PTPRT: variants seen among roughly 807,000 people sequenced by gnomAD.
The protein encoded by PTPRT is receptor-type tyrosine-protein phosphatase T.
Under a neutral mutation model 176.8 loss-of-function variants are expected in PTPRT, and 56 were observed. The observed-to-expected ratio is 0.32, with a 90% CI of 0.26 to 0.40. The LOEUF (loss-of-function observed/expected upper bound fraction) is 0.40, where lower values mean the gene tolerates loss of function less well. Among genes scored for constraint, PTPRT ranks in the 10% least tolerant of loss-of-function variants. The pLI is 1.00. For synonymous variants in PTPRT, 783 were observed against 739.0 expected (o/e 1.06, Z -0.96); for missense variants, 1,540 against 1,908.2 (o/e 0.81, Z 3.60).
intron 7 of PTPRT, among the ~76,000 whole-genome samples, chr20:42,634,267 CTG>C (rs2074545596): frequency 6.9e-6 from 1 of 145,592 alleles, no homozygotes; most frequent in Non-Finnish European, 1.5e-5. Context: ...GGTCCACCGA[CTG>C]TGAACGTTAA....
chr20:42,885,727 G>T (rs1449082255), intron 2 of PTPRT, 80 bp downstream of exon 2: 3 of 1,523,740 alleles, frequency 2.0e-6, no homozygotes, highest in Non-Finnish European at 2.7e-6. Flanking sequence ...AGCTCAATGT[G>T]TAAGTAAGTT....
chr20:42,935,874 C>T (rs992843775), intron 1 of PTPRT, among the ~76,000 whole-genome samples: 1 of 152,106 alleles, frequency 6.6e-6, no homozygotes, highest in Non-Finnish European at 1.5e-5. Context: ...CTCAGCCTCC[C>T]GAGTAGCTGG....
intron 1 of PTPRT, among the ~76,000 whole-genome samples, chr20:43,067,967 G>T (rs370708837): frequency 3.1e-4 from 7 of 22,938 alleles, no homozygotes; most frequent in African/African-American, 1.5e-3. Flanking sequence ...GAGGGGAAGG[G>T]AGAGGAAGGG....
At chr20:42,878,933 G>A (rs970712618) in intron 2 of PTPRT, among the ~76,000 whole-genome samples, 4 of 152,168 alleles carry the variant, frequency 2.6e-5, no homozygotes, top group Non-Finnish European at 5.9e-5. Flanking sequence ...AGAGGCTGAG[G>A]CAGGAGAATG....
At chr20:42,419,645 G>A (rs1167739086) in intron 9 of PTPRT, among the ~76,000 whole-genome samples, 1 of 151,920 alleles carries the variant, frequency 6.6e-6, no homozygotes, top group Non-Finnish European at 1.5e-5. Flanking sequence ...CCCTCTCCTA[G>A]GATTTCCTCT....
intron 27 of PTPRT, among the ~76,000 whole-genome samples, chr20:42,093,341 C>T (rs769357791): frequency 1.2e-4 from 18 of 152,320 alleles, no homozygotes; most frequent in Middle Eastern, 3.4e-3. Flanking sequence ...CCCCGCAAAT[C>T]TGACCACAGA....
chr20:42,129,229 A>C (rs1012405781), intron 18 of PTPRT, among the ~76,000 whole-genome samples: 1 of 152,262 alleles, frequency 6.6e-6, no homozygotes, highest in Non-Finnish European at 1.5e-5. Flanking sequence ...GTTTAAAAAC[A>C]GCAAGTTTAC....
intron 3 of PTPRT, among the ~76,000 whole-genome samples, chr20:42,790,049 T>G (rs1487245414): frequency 6.6e-6 from 1 of 152,188 alleles, no homozygotes; most frequent in East Asian, 1.9e-4. Flanking sequence ...CTTTCAACAG[T>G]GCAAGTGGAG....
At chr20:42,247,086 C>T (rs188180984) in intron 14 of PTPRT, among the ~76,000 whole-genome samples, 2 of 152,270 alleles carry the variant, frequency 1.3e-5, no homozygotes, top group South Asian at 4.1e-4. Flanking sequence ...CTATTCACCC[C>T]CAATATTAAC....
Position 43,180,187 on chromosome 20 carries a change from G to A in PTPRT, c.88+9459C>T, listed in dbSNP as rs566271852. 2.2e-4 allele frequency among the ~76,000 whole-genome samples: 33 copies of A among 152,174 alleles called. No individual in the cohort carries two copies. In the South Asian group the frequency reaches 6.6e-3, roughly 31 times the overall value. On this transcript the variant is annotated intron_variant, in intron 1 of 30. Coordinates refer to ENST00000373187, the MANE Select transcript of PTPRT (RefSeq NM_007050.6). ...GGGCATCAGTGCTCCTGGTTCTTGGGTGTTCAGACTCAAGTCAGAGCCTAC... is the reference window on the plus strand; with the variant it reads ...GGGCATCAGTGCTCCTGGTTCTTGGATGTTCAGACTCAAGTCAGAGCCTAC...
chr20:42,904,948 T>C (rs2079454859), intron 1 of PTPRT, among the ~76,000 whole-genome samples: 1 of 152,152 alleles, frequency 6.6e-6, no homozygotes, highest in Non-Finnish European at 1.5e-5. Context: ...ATGTTAGACC[T>C]AAAACCATAA....
chr20:43,033,924 G>T (rs1054667465), intron 1 of PTPRT, among the ~76,000 whole-genome samples: 8 of 152,184 alleles, frequency 5.3e-5, no homozygotes, highest in South Asian at 4.1e-4. Flanking sequence ...CCACCCTGCT[G>T]CCTCTCACCG....
chr20:43,101,330 C>T (rs934919872), intron 1 of PTPRT, among the ~76,000 whole-genome samples: 8 of 152,072 alleles, frequency 5.3e-5, no homozygotes, highest in Non-Finnish European at 7.3e-5. Context: ...TTAGCTCACA[C>T]GCTGGGAATC....
intron 1 of PTPRT, among the ~76,000 whole-genome samples, chr20:43,099,581 A>G (rs1015335400): frequency 6.6e-6 from 1 of 152,126 alleles, no homozygotes; most frequent in African/African-American, 2.4e-5. Flanking sequence ...GTTTGCCCAC[A>G]CAAGTATTCC....
intron 7 of PTPRT, among the ~76,000 whole-genome samples, chr20:42,600,611 C>T (rs1437724389): frequency 6.6e-6 from 1 of 152,148 alleles, no homozygotes. Context: ...TGACCCTGCT[C>T]CCACCCTCCT....
intron 13 of PTPRT, among the ~76,000 whole-genome samples, chr20:42,272,718 C>T (rs957499831): frequency 1.0e-4 from 10 of 97,904 alleles, no homozygotes; most frequent in South Asian, 2.8e-4. Flanking sequence ...CACACACGTG[C>T]GCGCACACAC....
intron 1 of PTPRT, among the ~76,000 whole-genome samples, chr20:43,074,211 A>G (rs771669675): frequency 6.6e-6 from 1 of 152,218 alleles, no homozygotes; most frequent in Non-Finnish European, 1.5e-5. Context: ...CTATAATATA[A>G]TTGACTTAAC....
chr20:42,466,218 T>C (rs1162438834), intron 8 of PTPRT, among the ~76,000 whole-genome samples: 1 of 152,214 alleles, frequency 6.6e-6, no homozygotes, highest in African/African-American at 2.4e-5. Context: ...AATGAACATA[T>C]ACATGCATGT....
At chr20:42,141,262 C>T (rs780600368) in intron 18 of PTPRT, among the ~76,000 whole-genome samples, 1 of 152,210 alleles carries the variant, frequency 6.6e-6, no homozygotes, top group Non-Finnish European at 1.5e-5. Context: ...TTGCCCTAAA[C>T]TCTGTCTCTC....
Sources: allele counts gnomAD v4.1 joint callset (sites outside exome capture counted in the v4.1 genomes callset), GRCh38; gene constraint gnomAD v4.1.1; transcripts MANE v1.5; gene names NCBI Gene and HGNC (gene_info 2026-07-23, HGNC 2026-07-21).